Variants in WASHC3 observed in about 807,000 individuals in gnomAD.
WASHC3 encodes WASH complex subunit CCDC53.
A neutral mutation model predicts 26.1 loss-of-function variants in WASHC3; 24 were observed. That is an observed-to-expected ratio of 0.92 (90% CI 0.66 to 1.29). The LOEUF is 1.29. Among genes scored for constraint, WASHC3 ranks in the 50% most tolerant of loss-of-function variants. WASHC3 has a pLI of 0.00. For synonymous variants in WASHC3, 77 were observed against 75.7 expected (o/e 1.02, Z -0.09); for missense variants, 214 against 229.6 (o/e 0.93, Z 0.44).
At chr12:102,018,118 A>G (rs1188355647) in intron 6 of WASHC3, among the ~76,000 whole-genome samples, 2 of 152,196 alleles carry the variant, frequency 1.3e-5, no homozygotes, top group African/African-American at 2.4e-5. Flanking sequence ...AAGTCCATCT[A>G]TGTTGTAGCA....
At chr12:102,025,201 T>C (rs764676180) in intron 6 of WASHC3, among the ~76,000 whole-genome samples, 1 of 152,112 alleles carries the variant, frequency 6.6e-6, no homozygotes, top group East Asian at 1.9e-4. Flanking sequence ...GCTAAATACA[T>C]TGGGGTGAAC....
intron 5 of WASHC3, among the ~76,000 whole-genome samples, chr12:102,034,680 C>T (rs7308082): frequency 1 from 152,108 of 152,124 alleles, 76,046 homozygotes; most frequent in Middle Eastern, 1. Flanking sequence ...ACTAGACCTA[C>T]GAATAACAAT....
chr12:102,014,350 T>A (rs1158828729), intron 6 of WASHC3, among the ~76,000 whole-genome samples: 1 of 2,592 alleles, frequency 3.9e-4, no homozygotes, highest in Admixed American at 8.1e-3. Context: ...GGATTATAGA[T>A]GCGAGCCCGT....
At chr12:102,062,050 C>T, upstream of WASHC3, 4 of 1,136,356 alleles carry the variant, frequency 3.5e-6, no homozygotes, top group South Asian at 1.4e-5. Flanking sequence ...CTCAACTTTC[C>T]CCCCAAGTGC....
chr12:102,023,750 T>C (rs1189902714), intron 6 of WASHC3, among the ~76,000 whole-genome samples: 2 of 152,176 alleles, frequency 1.3e-5, no homozygotes, highest in African/African-American at 4.8e-5. Context: ...CATGTGCATA[T>C]GAGGTAATGG....
chr12:102,031,848 G>A (rs977168808), intron 5 of WASHC3, among the ~76,000 whole-genome samples: 4 of 152,208 alleles, frequency 2.6e-5, no homozygotes, highest in African/African-American at 7.2e-5. Flanking sequence ...CTGTAACAGT[G>A]TTTTTCACAG....
At position 102,021,394 on chromosome 12, in the gene WASHC3, G is replaced by C. The variant is rs116641585; in HGVS notation, c.500+4580C>G. ...AGGATGGACTTTTGCTCTTGATCTTGGGATCCTTTATTTCCCAGCAGCAAC... is the reference window on the plus strand; with the variant it reads ...AGGATGGACTTTTGCTCTTGATCTTCGGATCCTTTATTTCCCAGCAGCAAC... On this transcript the variant is annotated intron_variant, in intron 6 of 6. Coordinates refer to ENST00000240079, the MANE Select transcript of WASHC3 (RefSeq NM_016053.4). Among the ~76,000 whole-genome samples, 654 of 152,210 alleles carry C rather than the reference G, an allele frequency of 4.3e-3. 4 individuals are homozygous for C. Among genetic ancestry groups the C allele is most frequent in the African/African-American group, 0.015 (621 of 41,530 alleles).
intron 3 of WASHC3, among the ~76,000 whole-genome samples, chr12:102,045,162 G>A (rs537671065): frequency 3.3e-5 from 5 of 152,096 alleles, no homozygotes; most frequent in Non-Finnish European, 5.9e-5. Context: ...GAGAACTGTT[G>A]ACTGATAACC....
At chr12:102,057,800 T>C (rs1424311978) in intron 2 of WASHC3, among the ~76,000 whole-genome samples, 1 of 152,068 alleles carries the variant, frequency 6.6e-6, no homozygotes, top group Non-Finnish European at 1.5e-5. Context: ...GTTCATGGAT[T>C]GGAAACATGA....
At chr12:102,035,018 C>T (rs1338734230) in intron 5 of WASHC3, among the ~76,000 whole-genome samples, 1 of 151,796 alleles carries the variant, frequency 6.6e-6, no homozygotes, top group Non-Finnish European at 1.5e-5. Flanking sequence ...TAAAGAAACC[C>T]CTAAGTGAGG....
At chr12:102,040,024 GGTCTATCATGTTACTTAAAAGGAAT>G (rs1325309929) in intron 4 of WASHC3, 46 bp from the exon 5 acceptor site, 1 of 817,650 alleles carries the variant, frequency 1.2e-6, no homozygotes, top group South Asian at 2.0e-5. Flanking sequence ...TTACAAAAGG[GGTCTATCATGTTACTTAAAAGGAAT>G]GTTTCTTTCC....
At chr12:102,025,390 A>C (rs1877132335) in intron 6 of WASHC3, among the ~76,000 whole-genome samples, 1 of 152,114 alleles carries the variant, frequency 6.6e-6, no homozygotes, top group South Asian at 2.1e-4. Context: ...ATTTCTCAAA[A>C]ATATTTTATA....
intron 5 of WASHC3, among the ~76,000 whole-genome samples, chr12:102,032,441 C>T (rs764626409): frequency 3.1e-4 from 47 of 152,162 alleles, no homozygotes; most frequent in Admixed American, 9.2e-4. Context: ...TCTATGTACA[C>T]AATTCCAGTT....
intron 2 of WASHC3, chr12:102,059,649 A>T (rs1402838189): frequency 1.3e-5 from 2 of 152,184 alleles, no homozygotes; most frequent in African/African-American, 4.8e-5. Flanking sequence ...AGCTCAAACA[A>T]GTTGCTTTCA....
chr12:102,049,036 C>T (rs998006719), intron 2 of WASHC3, among the ~76,000 whole-genome samples: 1 of 152,170 alleles, frequency 6.6e-6, no homozygotes, highest in African/African-American at 2.4e-5. Flanking sequence ...TGCTGAAGTT[C>T]ATTTCTAAGA....
At chr12:102,056,661 G>C (rs1244841242) in intron 2 of WASHC3, among the ~76,000 whole-genome samples, 1 of 152,132 alleles carries the variant, frequency 6.6e-6, no homozygotes, top group Non-Finnish European at 1.5e-5. Context: ...CAACAGATTG[G>C]ATAACCTAGA....
intron 5 of WASHC3, among the ~76,000 whole-genome samples, chr12:102,026,820 C>T (rs940680656): frequency 2.6e-5 from 4 of 152,110 alleles, no homozygotes; most frequent in African/African-American, 7.2e-5. Context: ...TCACACCATC[C>T]CCAAGGATAA....
intron 5 of WASHC3, among the ~76,000 whole-genome samples, chr12:102,037,379 T>C (rs1877710064): frequency 6.6e-6 from 1 of 151,974 alleles, no homozygotes; most frequent in African/African-American, 2.4e-5. Context: ...AGAAGAAAAA[T>C]ACAGCAGAGA....
At chr12:102,050,371 C>T (rs1200246751) in intron 2 of WASHC3, 3 of 428,986 alleles carry the variant, frequency 7.0e-6, no homozygotes, top group Non-Finnish European at 1.4e-5. Context: ...ATAATTCCAG[C>T]ACTTGGGAGG....
Sources: allele counts gnomAD v4.1 joint callset (sites outside exome capture counted in the v4.1 genomes callset), GRCh38; gene constraint gnomAD v4.1.1; transcripts MANE v1.5; gene names NCBI Gene and HGNC (gene_info 2026-07-23, HGNC 2026-07-21).